RSPH14: variants seen among roughly 807,000 people sequenced by gnomAD.
RSPH14 encodes rhabdoid tumor deletion region gene 1.
Under a neutral mutation model 26.7 loss-of-function variants are expected in RSPH14, and 20 were observed. The observed-to-expected ratio is 0.75, with a 90% CI of 0.53 to 1.09. The LOEUF (loss-of-function observed/expected upper bound fraction) is 1.09, where lower values mean the gene tolerates loss of function less well. Among genes scored for constraint, RSPH14 ranks in the 50% least tolerant of loss-of-function variants. The pLI is 0.00. For synonymous variants in RSPH14, 177 were observed against 189.3 expected (o/e 0.93, Z 0.53); for missense variants, 449 against 457.2 (o/e 0.98, Z 0.16).
chr22:23,131,899 T>C (rs1255499396), intron 4 of RSPH14, among the ~76,000 whole-genome samples: 1 of 152,158 alleles, frequency 6.6e-6, no homozygotes, highest in African/African-American at 2.4e-5. Context: ...ACAGGCCTAG[T>C]GTGCTCAACT....
chr22:23,067,642 G>T (rs528437608), intron 4 of RSPH14, among the ~76,000 whole-genome samples: 1 of 152,250 alleles, frequency 6.6e-6, no homozygotes, highest in East Asian at 1.9e-4. Flanking sequence ...TTTACCACAT[G>T]CTCTCTTCCC....
At chr22:23,108,479 G>A (rs1018185426) in intron 4 of RSPH14, among the ~76,000 whole-genome samples, 1 of 152,264 alleles carries the variant, frequency 6.6e-6, no homozygotes, top group Admixed American at 6.5e-5. Context: ...GGAAGCAGGA[G>A]TCAGGAGACA....
upstream of RSPH14, among the ~76,000 whole-genome samples, chr22:23,144,689 T>TAA (rs56369606): frequency 2.0e-3 from 270 of 136,852 alleles, 1 homozygote; most frequent in African/African-American, 6.0e-3. Context: ...TCCATCTCTT[T>TAA]AAAAAAAAAA....
intron 4 of RSPH14, among the ~76,000 whole-genome samples, chr22:23,125,458 G>T (rs1601846580): frequency 6.6e-6 from 1 of 152,180 alleles, no homozygotes; most frequent in African/African-American, 2.4e-5. Flanking sequence ...GTAGTGTAGG[G>T]CAAACCTTGT....
the RSPH14 span, chr22:23,158,175 G>A: frequency 6.6e-7 from 1 of 1,509,130 alleles, no homozygotes; most frequent in Admixed American, 2.3e-5. Flanking sequence ...GTCAGAACCA[G>A]CTGCCCACGG....
intron 4 of RSPH14, among the ~76,000 whole-genome samples, chr22:23,104,254 GCA>G (rs1337476254): frequency 6.6e-6 from 1 of 152,202 alleles, no homozygotes. Flanking sequence ...AAGGTCGCAG[GCA>G]CAGTGTCCAG....
At chr22:23,074,390 A>C (rs1290804565) in intron 4 of RSPH14, among the ~76,000 whole-genome samples, 1 of 152,222 alleles carries the variant, frequency 6.6e-6, no homozygotes, top group Non-Finnish European at 1.5e-5. Flanking sequence ...GGACAGCTGC[A>C]GTTTTGGTCT....
At chr22:23,157,254 GTT>G in the RSPH14 span, among the ~76,000 whole-genome samples, 29 of 145,990 alleles carry the variant, frequency 2.0e-4, no homozygotes, top group Middle Eastern at 3.4e-3. Context: ...GGACTAACAG[GTT>G]TTTTTTTTTT....
intron 4 of RSPH14, among the ~76,000 whole-genome samples, chr22:23,069,119 G>C (rs1458113794): frequency 6.6e-6 from 1 of 152,226 alleles, no homozygotes; most frequent in Non-Finnish European, 1.5e-5. Context: ...GGAGGTTATG[G>C]GATGATGCTG....
At chr22:23,095,477 T>C (rs1478092611) in intron 4 of RSPH14, 4 of 568,614 alleles carry the variant, frequency 7.0e-6, no homozygotes, top group Non-Finnish European at 1.2e-5. Flanking sequence ...GTGTCACTAG[T>C]GGGGAGGGGC....
the RSPH14 span, among the ~76,000 whole-genome samples, chr22:23,178,188 G>A: frequency 5.8e-4 from 89 of 152,288 alleles, 2 homozygotes; most frequent in African/African-American, 1.9e-3. Flanking sequence ...AGGCCAAGGC[G>A]GGCAGATCAC....
intron 4 of RSPH14, among the ~76,000 whole-genome samples, chr22:23,116,442 G>A (rs1360343392): frequency 2.0e-5 from 3 of 152,246 alleles, no homozygotes; most frequent in African/African-American, 7.2e-5. Flanking sequence ...CTTCAGAGCA[G>A]GCCAGTGTCC....
At chr22:23,157,763 T>A in the RSPH14 span, among the ~76,000 whole-genome samples, 1 of 152,302 alleles carries the variant, frequency 6.6e-6, no homozygotes, top group African/African-American at 2.4e-5. Flanking sequence ...TTGTCCTGCC[T>A]CCCTGGATCC....
At chr22:23,078,148 A>G (rs1203024921) in intron 4 of RSPH14, among the ~76,000 whole-genome samples, 1 of 152,218 alleles carries the variant, frequency 6.6e-6, no homozygotes, top group East Asian at 1.9e-4. Context: ...TTCCTCCAGC[A>G]TGGTCACCCC....
Position 23,096,184 on chromosome 22 carries a change from C to T in RSPH14, c.422-32051G>A, listed in dbSNP as rs759782565. On this transcript the variant is annotated intron_variant, in intron 4 of 6. Transcript: ENST00000216036. ...ACTACCTGAACGACCTGGAGCGCAT[C>T]GCCGCAGCTGACTATATCCCCACTG... 22 of 1,613,248 alleles carry T rather than the reference C, an allele frequency of 1.4e-5. 1 individual carries two copies. The highest frequency in any genetic ancestry group is 1.1e-4 in the East Asian group (5 of 44,888).
At chr22:23,150,334 C>T in the RSPH14 span, among the ~76,000 whole-genome samples, 3 of 145,464 alleles carry the variant, frequency 2.1e-5, no homozygotes, top group Non-Finnish European at 4.5e-5. Context: ...CAGAGTCTCG[C>T]TCTGTCGCCC....
the RSPH14 span, chr22:23,156,140 T>TCAGAGAAAA: frequency 6.3e-6 from 6 of 955,892 alleles, no homozygotes; most frequent in Non-Finnish European, 9.3e-6. Context: ...TTTTTTGTCC[T>TCAGAGAAAA]CCAAGACCCA....
intron 3 of RSPH14, chr22:23,136,146 C>T (rs2070479056): frequency 1.5e-6 from 1 of 654,146 alleles, no homozygotes; most frequent in Non-Finnish European, 2.8e-6. Flanking sequence ...GTCTCTCATG[C>T]TTTGATAGTC....
rs1260234890 is a variant in RSPH14, at chr22:23,064,009, A to G, written c.546T>C (p.Asp182=). 1 of 1,614,010 alleles carries G rather than the reference A, an allele frequency of 6.2e-7. No homozygotes were observed. Among genetic ancestry groups the G allele is most frequent in the Non-Finnish European group, 8.5e-7 (1 of 1,179,998 alleles). ...LDTLVLCLQE[D]ATEALGSNVV... is the part of the protein sequence containing the mutation. ...CATTGCTGCCCAGGGCCTCGGTGGCATCCTCCTGCAGGCAGAGGACCAGTG... is the reference window on the plus strand; with the variant it reads ...CATTGCTGCCCAGGGCCTCGGTGGCGTCCTCCTGCAGGCAGAGGACCAGTG... Residue 182 remains aspartate (D), a synonymous_variant, in exon 5 of 7, where the codon GAT becomes GAC. Coordinates refer to ENST00000216036, the MANE Select transcript of RSPH14 (RefSeq NM_014433.3).
Sources: allele counts gnomAD v4.1 joint callset (sites outside exome capture counted in the v4.1 genomes callset), GRCh38; gene constraint gnomAD v4.1.1; transcripts MANE v1.5; gene names NCBI Gene and HGNC (gene_info 2026-07-23, HGNC 2026-07-21).